The following NAALADL2 variants were observed in gnomAD, a reference collection of about 807,000 sequenced individuals.
NAALADL2 encodes inactive N-acetylated-alpha-linked acidic dipeptidase-like protein 2.
Under a neutral mutation model 87.2 loss-of-function variants are expected in NAALADL2, and 76 were observed. The observed-to-expected ratio is 0.87, with a 90% CI of 0.72 to 1.05. The LOEUF (loss-of-function observed/expected upper bound fraction) is 1.05, where lower values mean the gene tolerates loss of function less well. Among genes scored for constraint, NAALADL2 ranks in the 50% least tolerant of loss-of-function variants. The probability of loss-of-function intolerance (pLI) is 0.00; values close to 1 mark genes in which losing one functional copy is unlikely to be tolerated. For missense variants in NAALADL2, 1,089 were observed against 945.8 expected, an observed-to-expected ratio of 1.15 and a Z score of -1.99; for synonymous variants, 354 against 331.0, an observed-to-expected ratio of 1.07 and a Z score of -0.75.
intron 5 of NAALADL2, among the ~76,000 whole-genome samples, chr3:175,337,011 A>G (rs913589629): frequency 5.3e-5 from 8 of 151,986 alleles, no homozygotes; most frequent in South Asian, 2.1e-4. Flanking sequence ...TTTCTAGAAT[A>G]CATCTCATTG....
At chr3:174,816,400 G>GTGTA (rs1720812815) in intron 3 of NAALADL2, among the ~76,000 whole-genome samples, 2 of 107,868 alleles carry the variant, frequency 1.9e-5, no homozygotes, top group Non-Finnish European at 3.7e-5. Flanking sequence ...GTGTGTGTGT[G>GTGTA]TGTATGTGTG....
At chr3:175,351,234 T>C (rs532939441) in intron 5 of NAALADL2, among the ~76,000 whole-genome samples, 2 of 152,232 alleles carry the variant, frequency 1.3e-5, no homozygotes, top group South Asian at 4.1e-4. Context: ...ATATATTTTT[T>C]GATTTTTAAA....
intron 2 of NAALADL2, among the ~76,000 whole-genome samples, chr3:174,639,344 G>C (rs1722948564): frequency 6.6e-6 from 1 of 152,170 alleles, no homozygotes; most frequent in African/African-American, 2.4e-5. Context: ...TAAAGTCAAA[G>C]AAAAATCAAA....
chr3:175,181,689 A>G (rs1419448380), intron 2 of NAALADL2, among the ~76,000 whole-genome samples: 5 of 40,384 alleles, frequency 1.2e-4, no homozygotes, highest in African/African-American at 3.1e-4. Flanking sequence ...ATATATATAT[A>G]TATATATATA....
At chr3:174,918,416 A>T (rs1003613882) in intron 1 of NAALADL2, among the ~76,000 whole-genome samples, 1 of 152,186 alleles carries the variant, frequency 6.6e-6, no homozygotes, top group East Asian at 1.9e-4. Flanking sequence ...TAGCTATTGT[A>T]TGAGAAACCA....
At chr3:175,515,614 A>G (rs774824436) in intron 9 of NAALADL2, among the ~76,000 whole-genome samples, 1 of 152,108 alleles carries the variant, frequency 6.6e-6, no homozygotes, top group Non-Finnish European at 1.5e-5. Flanking sequence ...GAGTCTTGTT[A>G]GAAAGCTGGA....
chr3:175,510,383 T>TC (rs1730996273), intron 9 of NAALADL2, among the ~76,000 whole-genome samples: 1 of 151,954 alleles, frequency 6.6e-6, no homozygotes, highest in Non-Finnish European at 1.5e-5. Flanking sequence ...AAATTGGAGG[T>TC]CCCTTCTGTG....
At chr3:174,616,590 C>G (rs190834009) in intron 2 of NAALADL2, among the ~76,000 whole-genome samples, 2 of 151,932 alleles carry the variant, frequency 1.3e-5, no homozygotes, top group Non-Finnish European at 3.0e-5. Flanking sequence ...GTGTACTACT[C>G]TTGTTAATTT....
At chr3:174,715,966 TTTGA>T (rs1731145062) in intron 2 of NAALADL2, among the ~76,000 whole-genome samples, 1 of 152,170 alleles carries the variant, frequency 6.6e-6, no homozygotes, top group Non-Finnish European at 1.5e-5. Context: ...TTTTCTTTCC[TTTGA>T]TTGCTAAAAT....
rs115140642 is a variant in NAALADL2 at position 175,599,580 on chromosome 3, C to T, written c.1800+23393C>T. Among the ~76,000 whole-genome samples, 646 of 152,212 alleles carry T rather than the reference C, an allele frequency of 4.2e-3. 9 individuals carry two copies. The highest frequency in any genetic ancestry group is 0.017 in the Middle Eastern group (5 of 294). On this transcript the variant is annotated intron_variant, in intron 10 of 13. Transcript: ENST00000454872. Reference sequence around the variant, plus strand: ...AGTCCCCCAAGTTCTTTCTCCAACTCTAAGTTATATTCTATTTGTGTTAAC... The same window carrying T: ...AGTCCCCCAAGTTCTTTCTCCAACTTTAAGTTATATTCTATTTGTGTTAAC...
intron 3 of NAALADL2, among the ~76,000 whole-genome samples, chr3:174,842,588 T>C (rs1014443122): frequency 6.6e-6 from 1 of 152,192 alleles, no homozygotes; most frequent in Non-Finnish European, 1.5e-5. Flanking sequence ...AATTACAAGA[T>C]TGTATTTAAT....
chr3:174,568,177 G>C (rs773327161), intron 2 of NAALADL2, among the ~76,000 whole-genome samples: 3 of 151,618 alleles, frequency 2.0e-5, no homozygotes, highest in African/African-American at 4.8e-5. Context: ...CTATTTTTCT[G>C]TCCTCTATCA....
chr3:175,667,219 GAA>G (rs1287931298), intron 11 of NAALADL2, among the ~76,000 whole-genome samples: 3 of 125,012 alleles, frequency 2.4e-5, no homozygotes, highest in South Asian at 2.4e-4. Context: ...AAGAAAGAAA[GAA>G]AGAAAGAAAG....
intron 13 of NAALADL2, among the ~76,000 whole-genome samples, chr3:175,778,967 CA>C (rs961275741): frequency 1.3e-5 from 2 of 151,816 alleles, no homozygotes; most frequent in East Asian, 1.9e-4. Context: ...CACACACACA[CA>C]AAAAAATGAA....
At chr3:174,578,819 A>G (rs1044428825) in intron 2 of NAALADL2, among the ~76,000 whole-genome samples, 9 of 151,970 alleles carry the variant, frequency 5.9e-5, no homozygotes, top group Non-Finnish European at 7.4e-5. Flanking sequence ...AATTATATGA[A>G]TTAAACTTCA....
intron 9 of NAALADL2, among the ~76,000 whole-genome samples, chr3:175,499,108 A>G (rs1729199421): frequency 6.6e-6 from 1 of 152,110 alleles, no homozygotes; most frequent in Admixed American, 6.6e-5. Flanking sequence ...AATGCAGATT[A>G]AAACTAGGTA....
intron 13 of NAALADL2, among the ~76,000 whole-genome samples, chr3:175,800,020 A>G (rs899964702): frequency 3.9e-5 from 6 of 152,180 alleles, no homozygotes; most frequent in Non-Finnish European, 8.8e-5. Flanking sequence ...AATCAATTTT[A>G]TATTTATTTA....
chr3:175,610,785 T>TATA (rs985242742), intron 10 of NAALADL2, among the ~76,000 whole-genome samples: 8 of 152,040 alleles, frequency 5.3e-5, no homozygotes, highest in Non-Finnish European at 1.2e-4. Context: ...GATCCACTAA[T>TATA]ATAATAATAA....
chr3:175,627,350 G>T lies in NAALADL2; in HGVS notation c.1860G>T (p.Met620Ile). Residue 620 changes from methionine to isoleucine, a missense_variant, in exon 11 of 14, where the codon ATG (methionine) becomes ATT (isoleucine). Coordinates refer to ENST00000454872, the MANE Select transcript of NAALADL2 (RefSeq NM_207015.3). Reference sequence around the variant, plus strand: ...CACGAGCAACAAAAATTGAAGAAATGGATCCCTCTTTCAACCTTCATGAAA... The same window carrying T: ...CACGAGCAACAAAAATTGAAGAAATTGATCCCTCTTTCAACCTTCATGAAA... ...FSTRATKIEE[M>I]DPSFNLHETI... 1 of 1,571,736 alleles carries T rather than the reference G, an allele frequency of 6.4e-7. No individual in the cohort carries two copies. Among genetic ancestry groups the T allele is most frequent in the South Asian group, 1.2e-5 (1 of 85,862 alleles).
Sources: gnomAD v4.1 joint callset for allele counts (sites outside exome capture counted in the v4.1 genomes callset) on GRCh38, gnomAD v4.1.1 for gene constraint, MANE v1.5 for transcripts, NCBI Gene and HGNC (gene_info 2026-07-23, HGNC 2026-07-21) for gene names.